The following SEC23B variants were observed in gnomAD, a reference collection of about 807,000 sequenced individuals.
SEC23B encodes the protein protein transport protein Sec23B.
SEC23B carries 77 observed loss-of-function variants against 104.3 expected under a neutral mutation model. The ratio of observed to expected loss-of-function variants is 0.74; its 90% CI spans 0.61 to 0.89. SEC23B has a LOEUF of 0.89. SEC23B is among the 40% of genes least tolerant of loss of function. SEC23B has a pLI of 0.00. For synonymous variants in SEC23B, 338 were observed against 332.5 expected (o/e 1.02, Z -0.18); for missense variants, 885 against 949.4 (o/e 0.93, Z 0.89).
intron 10 of SEC23B, 53 bp downstream of exon 10, chr20:18,530,856 G>T: frequency 6.8e-7 from 1 of 1,479,826 alleles, no homozygotes; most frequent in South Asian, 1.2e-5. Context: ...TGCCCAGGCT[G>T]GTCTCAAACT....
intron 12 of SEC23B, among the ~76,000 whole-genome samples, chr20:18,539,833 C>CG: frequency 6.6e-6 from 1 of 151,476 alleles, no homozygotes; most frequent in East Asian, 2.0e-4. Context: ...TTAGTAGAGA[C>CG]GGGGTTTCAC....
intron 10 of SEC23B, 62 bp downstream of exon 10, chr20:18,530,865 C>A: frequency 7.3e-7 from 1 of 1,366,220 alleles, no homozygotes; most frequent in Non-Finnish European, 1.0e-6. Context: ...TGGTCTCAAA[C>A]TCCTGGTCTC....
chr20:18,541,378 C>T (rs78350885), intron 12 of SEC23B, among the ~76,000 whole-genome samples: 1,665 of 152,382 alleles, frequency 0.011, 36 homozygotes, highest in African/African-American at 0.038. Flanking sequence ...TTTGCATTCA[C>T]AGCTTGGCAG....
chr20:18,524,278 A>G (rs193163890), intron 4 of SEC23B, among the ~76,000 whole-genome samples, 155 bp from the exon 5 acceptor site: 4 of 152,364 alleles, frequency 2.6e-5, no homozygotes, highest in Admixed American at 2.6e-4. Context: ...ATAAAATCTA[A>G]GTCATTTAAT....
At chr20:18,535,466 G>C (rs1413669562) in intron 11 of SEC23B, among the ~76,000 whole-genome samples, 187 bp from the exon 12 acceptor site, 1 of 152,158 alleles carries the variant, frequency 6.6e-6, no homozygotes, top group Non-Finnish European at 1.5e-5. Flanking sequence ...TAATTTTAAA[G>C]TGTAAATGTA....
intron 4 of SEC23B, among the ~76,000 whole-genome samples, chr20:18,519,643 C>T (rs2060065138): frequency 6.6e-6 from 1 of 152,098 alleles, no homozygotes; most frequent in Non-Finnish European, 1.5e-5. Context: ...AGTGTGGGGG[C>T]AGTCTCTAAA....
rs57231166 is a variant in SEC23B, at chr20:18,518,582, G to GTTT, written c.366+2867_366+2869dup. Among the ~76,000 whole-genome samples the GTTT allele has an allele frequency of 1.9e-3, 179 of 92,650 alleles. 17 individuals carry two copies. Among genetic ancestry groups the GTTT allele is most frequent in the African/African-American group, 5.9e-3 (139 of 23,690 alleles). The allele number at this position is 92,650 out of a possible 152,430, so 60.8% of individuals were successfully genotyped here. A position where few individuals can be genotyped will look rare whatever the true frequency, so the allele number is the denominator to read the frequency against. On this transcript the variant is annotated intron_variant, in intron 4 of 19. Coordinates refer to ENST00000650089, the MANE Select transcript of SEC23B (RefSeq NM_006363.6). ...AATGGGCCTGTGAGGCTGGAAGGAGGTTTTTTTTTTTTTTTTTTTTTTTGT... is the reference window on the plus strand; with the variant it reads ...AATGGGCCTGTGAGGCTGGAAGGAGGTTTTTTTTTTTTTTTTTTTTTTTTTTGT...
intron 4 of SEC23B, among the ~76,000 whole-genome samples, chr20:18,518,840 A>G (rs2060057766): frequency 1.3e-5 from 2 of 152,102 alleles, no homozygotes; most frequent in Admixed American, 6.5e-5. Context: ...GAAGTAAAGC[A>G]GCCTTTAGAA....
chr20:18,533,762 A>C (rs1464625682), intron 11 of SEC23B, among the ~76,000 whole-genome samples: 2 of 152,208 alleles, frequency 1.3e-5, no homozygotes, highest in Non-Finnish European at 2.9e-5. Context: ...GCTGCCCTAA[A>C]GCCCATCTGA....
chr20:18,515,761 T>C (rs1648823822), intron 4 of SEC23B, 25 bp downstream of exon 4: 1 of 1,320,304 alleles, frequency 7.6e-7, no homozygotes, highest in Non-Finnish European at 1.1e-6. Flanking sequence ...GTGCATTTAA[T>C]GAGCAATGTT....
In SEC23B at chr20:18,554,325, C is replaced by T. The variant is rs775491170; in HGVS notation, c.2083C>T (p.Gln695Ter). Residue 695 changes from glutamine (Q) to a stop codon, truncating the protein, a stop_gained, in exon 18 of 20, where the codon CAA becomes TAA. Coordinates refer to ENST00000650089, the MANE Select transcript of SEC23B (RefSeq NM_006363.6). LOFTEE classifies it high-confidence loss of function. The stretch of plus-strand genomic sequence containing the variant: ...TCTGCAGGCACCACTGGATGATGCT[C>T]AAGAAATTCTGCAAGCACGCTTCCC... ...HLLQAPLDDAQEILQARFPMP... is the reference protein window; with the variant it reads ...HLLQAPLDDA The T allele has an allele frequency of 3.7e-6, 6 of 1,614,042 alleles. No individual in the cohort carries two copies. The highest frequency in any genetic ancestry group is 4.2e-6 in the Non-Finnish European group (5 of 1,180,042).
At chr20:18,511,490 A>G (rs951217685) in intron 2 of SEC23B, among the ~76,000 whole-genome samples, 4 of 126,730 alleles carry the variant, frequency 3.2e-5, no homozygotes, top group Non-Finnish European at 6.8e-5. Flanking sequence ...AACTGTTAAC[A>G]ATTTGTTAAG....
Position 18,554,229 on chromosome 20 carries a change from G to A in SEC23B, c.1993-6G>A, listed in dbSNP as rs1165591761. On this transcript the variant is annotated splice_region_variant and splice_polypyrimidine_tract_variant and intron_variant, in intron 17 of 19. Coordinates refer to ENST00000650089, the MANE Select transcript of SEC23B (RefSeq NM_006363.6). Reference sequence around the variant, plus strand: ...CAATAGTTTTGGTTGGTTTGTTTCTGTGTAGACCATAGCCCAGTGGCGTAA... The same window carrying A: ...CAATAGTTTTGGTTGGTTTGTTTCTATGTAGACCATAGCCCAGTGGCGTAA... 2 of 1,614,062 alleles carry A rather than the reference G, an allele frequency of 1.2e-6. No homozygotes were observed. The highest frequency in any genetic ancestry group is 1.7e-6 in the Non-Finnish European group (2 of 1,180,038).
At chr20:18,532,866 C>T (rs541229474) in intron 11 of SEC23B, 122 bp downstream of exon 11, 2 of 741,764 alleles carry the variant, frequency 2.7e-6, no homozygotes, top group Admixed American at 4.0e-5. Flanking sequence ...AGGAGAAGGG[C>T]TAACCCTCAC....
Position 18,548,682 on chromosome 20 carries a change from G to GA in SEC23B, c.1818dup (p.His607ThrfsTer35), listed in dbSNP as rs1241734723. 1 of 1,614,016 alleles carries GA rather than the reference G, an allele frequency of 6.2e-7. No homozygotes were observed. Among genetic ancestry groups the GA allele is most frequent in the Non-Finnish European group, 8.5e-7 (1 of 1,179,918 alleles). ...AGTCCTGATGAGTCGTCATATTACA[G>GA]ACATCATTTTGCCCGGCAGGACCTG... On this transcript the variant is annotated frameshift_variant, in exon 16 of 20. Transcript: ENST00000650089. LOFTEE classifies it high-confidence loss of function.
At position 18,560,959 on chromosome 20, in the gene SEC23B, T is replaced by C; in HGVS notation, c.*219T>C. 1.8e-6 allele frequency: 1 copy of C among 541,978 alleles called. No homozygotes were observed. Among genetic ancestry groups the C allele is most frequent in the South Asian group, 2.1e-5 (1 of 47,242 alleles). 33.6% of individuals were successfully genotyped at this position (541,978 alleles called of 1,614,324 possible). A position where few individuals can be genotyped will look rare whatever the true frequency, so the allele number is the denominator to read the frequency against. On this transcript the variant is annotated 3_prime_UTR_variant, in exon 20 of 20. Coordinates refer to ENST00000650089, the MANE Select transcript of SEC23B (RefSeq NM_006363.6). ...TCATAAATGTTTTGGTACTTGTAGA[T>C]GTTTATGTGCTTTTTGTATCCTAAC...
intron 6 of SEC23B, 127 bp from the exon 7 acceptor site, chr20:18,525,661 A>G (rs2060127364): frequency 9.9e-7 from 1 of 1,013,280 alleles, no homozygotes; most frequent in Admixed American, 2.0e-5. Flanking sequence ...AGCTTTGAAG[A>G]AAAAAATTAC....
At chr20:18,536,933 T>A (rs866578321) in intron 12 of SEC23B, among the ~76,000 whole-genome samples, 44 of 152,170 alleles carry the variant, frequency 2.9e-4, no homozygotes, top group African/African-American at 9.9e-4. Context: ...TCACAAAGTC[T>A]TCATACTCTC....
In SEC23B at chr20:18,548,668, G is replaced by A. The variant is rs756151965; in HGVS notation, c.1803G>A (p.Glu601=). The change falls in exon 16 of 20, where the codon GAG becomes GAA. Residue 601 remains glutamate, a synonymous_variant. Coordinates refer to ENST00000650089, the MANE Select transcript of SEC23B (RefSeq NM_006363.6). ...FLQVFNNSPD[E]SSYYRHHFAR... ...AAGTGTTTAACAACAGTCCTGATGA[G>A]TCGTCATATTACAGACATCATTTTG... 8.7e-6 allele frequency: 14 copies of A among 1,613,948 alleles called. No homozygotes were observed. In the Admixed American group the frequency reaches 2.2e-4, roughly 25 times the overall value.
Sources: allele counts gnomAD v4.1 joint callset (sites outside exome capture counted in the v4.1 genomes callset), GRCh38; gene constraint gnomAD v4.1.1; transcripts MANE v1.5; gene names NCBI Gene and HGNC (gene_info 2026-07-23, HGNC 2026-07-21).